The following BBS2 variants were observed in gnomAD, a reference collection of about 807,000 sequenced individuals.
The protein encoded by BBS2 is BBSome complex member BBS2.
In BBS2, 62 loss-of-function variants were observed where a neutral mutation model predicts 83.0. The ratio of observed to expected loss-of-function variants is 0.75; its 90% CI spans 0.61 to 0.92. The LOEUF (loss-of-function observed/expected upper bound fraction) is 0.92, where lower values mean the gene tolerates loss of function less well. BBS2 is among the 40% of genes least tolerant of loss of function. The probability of loss-of-function intolerance (pLI) is 0.00; values close to 1 mark genes in which losing one functional copy is unlikely to be tolerated. For missense variants in BBS2, 784 were observed against 901.0 expected, an observed-to-expected ratio of 0.87 and a Z score of 1.66; for synonymous variants, 303 against 326.1, an observed-to-expected ratio of 0.93 and a Z score of 0.76.
chr16:56,502,184 CT>C, intron 9 of BBS2, 132 bp downstream of exon 9: 1 of 1,189,772 alleles, frequency 8.4e-7, no homozygotes, highest in Admixed American at 1.7e-5. Context: ...CATATATCCC[CT>C]CTCAATTCTG....
At chr16:56,477,340 C>G (rs1342779720) in intron 17 of BBS2, 1 of 152,108 alleles carries the variant, frequency 6.6e-6, no homozygotes, top group Non-Finnish European at 1.5e-5. Context: ...GTATTATTCC[C>G]TTGGAAAGGG....
chr16:56,485,512 T>C, intron 16 of BBS2, 78 bp downstream of exon 16: 1 of 1,564,356 alleles, frequency 6.4e-7, no homozygotes, highest in Non-Finnish European at 8.8e-7. Context: ...TATGAATTAT[T>C]GGATGCTACC....
intron 17 of BBS2, chr16:56,476,388 G>A (rs1420214696): frequency 1.6e-5 from 6 of 386,426 alleles, no homozygotes; most frequent in African/African-American, 4.3e-5. Flanking sequence ...TTGCAGCTAA[G>A]TACTTATCTC....
At chr16:56,476,488 T>G (rs1963483354) in intron 17 of BBS2, 1 of 240,566 alleles carries the variant, frequency 4.2e-6, no homozygotes, top group African/African-American at 2.3e-5. Flanking sequence ...AAGTTCAATT[T>G]GTTTTTATTG....
intron 17 of BBS2, chr16:56,474,975 G>T: frequency 6.2e-7 from 1 of 1,611,040 alleles, no homozygotes; most frequent in Non-Finnish European, 8.5e-7. Flanking sequence ...AGCAAGCGGT[G>T]GATTATTCCC....
At chr16:56,471,416 T>C (rs1362198151) in intron 17 of BBS2, among the ~76,000 whole-genome samples, 1 of 151,076 alleles carries the variant, frequency 6.6e-6, no homozygotes, top group Non-Finnish European at 1.5e-5. Flanking sequence ...GAATAGATGA[T>C]TTAGAAAAGT....
chr16:56,509,809 C>T, intron 5 of BBS2, 148 bp downstream of exon 5: 1 of 710,822 alleles, frequency 1.4e-6, no homozygotes, highest in Non-Finnish European at 2.5e-6. Context: ...CTTACCATAA[C>T]ATACAGCTCT....
chr16:56,509,680 A>C (rs1964523121), intron 5 of BBS2: 2 of 416,810 alleles, frequency 4.8e-6, no homozygotes, highest in Admixed American at 7.2e-5. Flanking sequence ...CATTATTATT[A>C]TTTGCATGTA....
intron 1 of BBS2, among the ~76,000 whole-genome samples, chr16:56,518,934 G>T (rs548210020): frequency 6.6e-6 from 1 of 152,326 alleles, no homozygotes; most frequent in African/African-American, 2.4e-5. Context: ...AATACTTAGT[G>T]AATAAATTAC....
chr16:56,500,663 T>A, intron 11 of BBS2, 191 bp downstream of exon 11: 3 of 555,628 alleles, frequency 5.4e-6, no homozygotes, highest in Non-Finnish European at 9.6e-6. Context: ...TAAACTTACA[T>A]ATCAGTTTTT....
At chr16:56,499,506 C>A (rs1597013878) in intron 12 of BBS2, 2 of 395,794 alleles carry the variant, frequency 5.1e-6, no homozygotes, top group East Asian at 5.9e-5. Flanking sequence ...CCAGGACAAC[C>A]ACACTAAGAC....
intron 15 of BBS2, among the ~76,000 whole-genome samples, chr16:56,491,738 A>C (rs1213568408): frequency 2.0e-5 from 3 of 151,398 alleles, no homozygotes; most frequent in Non-Finnish European, 1.5e-5. Context: ...AAAAAAAAAA[A>C]AAAAAAAACA....
intron 4 of BBS2, 129 bp downstream of exon 4, chr16:56,510,730 T>G: frequency 1.1e-6 from 1 of 909,682 alleles, no homozygotes; most frequent in Non-Finnish European, 1.8e-6. Flanking sequence ...GCCAACTGGC[T>G]GAGCATTTAG....
chr16:56,481,699 G>C (rs1413377175), downstream of BBS2, among the ~76,000 whole-genome samples: 1 of 152,176 alleles, frequency 6.6e-6, no homozygotes, highest in Non-Finnish European at 1.5e-5. Context: ...AAATAGAGAA[G>C]TTACTGATAA....
At chr16:56,479,109 T>C (rs1963595558) in intron 17 of BBS2, 3 of 152,216 alleles carry the variant, frequency 2.0e-5, no homozygotes, top group Admixed American at 2.0e-4. Context: ...GTAAAATATA[T>C]GGTTTCTCTC....
downstream of BBS2, among the ~76,000 whole-genome samples, chr16:56,482,483 A>G (rs562342621): frequency 1.3e-5 from 2 of 152,220 alleles, no homozygotes; most frequent in African/African-American, 4.8e-5. Flanking sequence ...ATACTTTACT[A>G]CTTTGGAGAT....
At chr16:56,510,353 A>G (rs1338718128) in intron 4 of BBS2, among the ~76,000 whole-genome samples, 1 of 152,200 alleles carries the variant, frequency 6.6e-6, no homozygotes, top group Non-Finnish European at 1.5e-5. Flanking sequence ...AGCCCTGTTC[A>G]AACACCAGAG....
In BBS2 at chr16:56,514,534, GC is replaced by G. The variant is rs869025206; in HGVS notation, c.263del (p.Gly88AlafsTer6). 6.2e-7 allele frequency: 1 copy of G among 1,614,168 alleles called. No individual in the cohort carries two copies. The highest frequency in any genetic ancestry group is 8.5e-7 in the Non-Finnish European group (1 of 1,180,022). Reference sequence around the variant, plus strand: ...GTGTCCCCACTAAAAGGGCATCATAGCCAAGCTCAGGGTTCAATACGCCTGC... The same window carrying G: ...GTGTCCCCACTAAAAGGGCATCATAGCAAGCTCAGGGTTCAATACGCCTGC... Reference protein sequence around the residue: ...LTAGVLNPELGYDALLVGTQT... With the variant: ...LTAGVLNPELXYDALLVGTQT... On this transcript the variant is annotated frameshift_variant, in exon 2 of 17. Coordinates refer to ENST00000245157, the MANE Select transcript of BBS2 (RefSeq NM_031885.5). LOFTEE classifies it high-confidence loss of function.
chr16:56,472,373 T>G (rs773286674), intron 17 of BBS2, among the ~76,000 whole-genome samples: 2 of 152,202 alleles, frequency 1.3e-5, no homozygotes, highest in African/African-American at 2.4e-5. Flanking sequence ...ATTCCATTGT[T>G]GAGCACCTAC....
Sources: gnomAD v4.1 joint callset for allele counts (sites outside exome capture counted in the v4.1 genomes callset) on GRCh38, gnomAD v4.1.1 for gene constraint, MANE v1.5 for transcripts, NCBI Gene and HGNC (gene_info 2026-07-23, HGNC 2026-07-21) for gene names.